SPOCK1: variants seen among roughly 807,000 people sequenced by gnomAD.
The protein encoded by SPOCK1 is SPARC (osteonectin), cwcv and kazal like domains proteoglycan 1.
Under a neutral mutation model 55.3 loss-of-function variants are expected in SPOCK1, and 23 were observed. The observed-to-expected ratio is 0.42, with a 90% CI of 0.30 to 0.59. SPOCK1 has a LOEUF of 0.59. Among genes scored for constraint, SPOCK1 ranks in the 20% least tolerant of loss-of-function variants. SPOCK1 has a pLI of 0.22. For missense variants in SPOCK1, 499 were observed against 552.5 expected (o/e 0.90, Z 0.97); for synonymous variants, 226 against 221.0 (o/e 1.02, Z -0.20).
At chr5:137,057,639 C>A (rs1050061851) in intron 6 of SPOCK1, among the ~76,000 whole-genome samples, 1 of 152,202 alleles carries the variant, frequency 6.6e-6, no homozygotes, top group African/African-American at 2.4e-5. Flanking sequence ...ACTGGGGCCA[C>A]ACCTTTCTTT....
At chr5:137,116,644 C>CT (rs1753587661) in intron 4 of SPOCK1, among the ~76,000 whole-genome samples, 2 of 150,952 alleles carry the variant, frequency 1.3e-5, no homozygotes, top group Admixed American at 1.3e-4. Flanking sequence ...AAAACTCTGT[C>CT]TAAAAAAAAA....
intron 2 of SPOCK1, among the ~76,000 whole-genome samples, chr5:137,454,411 A>T (rs1041650182): frequency 1.3e-5 from 2 of 152,214 alleles, no homozygotes; most frequent in African/African-American, 2.4e-5. Flanking sequence ...AATAACATTC[A>T]CATGAAAGAG....
At chr5:137,027,696 T>C (rs1385390939) in intron 6 of SPOCK1, among the ~76,000 whole-genome samples, 1 of 152,146 alleles carries the variant, frequency 6.6e-6, no homozygotes, top group Non-Finnish European at 1.5e-5. Context: ...TCTCCAGGCA[T>C]GGGGAGGCTT....
At chr5:137,078,082 G>A (rs1383707207) in intron 5 of SPOCK1, among the ~76,000 whole-genome samples, 18 of 152,104 alleles carry the variant, frequency 1.2e-4, no homozygotes, top group Non-Finnish European at 5.9e-5. Context: ...GAAATACAAG[G>A]AGGAGAACAG....
At chr5:137,453,554 T>C (rs1753299628) in intron 2 of SPOCK1, among the ~76,000 whole-genome samples, 1 of 152,138 alleles carries the variant, frequency 6.6e-6, no homozygotes, top group African/African-American at 2.4e-5. Context: ...TTCTATTTCA[T>C]TCAGTATGGC....
At chr5:137,125,166 C>G (rs10072929) in intron 4 of SPOCK1, among the ~76,000 whole-genome samples, 1 of 152,028 alleles carries the variant, frequency 6.6e-6, no homozygotes, top group South Asian at 2.1e-4. Flanking sequence ...TGGCCCTGTA[C>G]CCCCAGCTCC....
intron 3 of SPOCK1, among the ~76,000 whole-genome samples, chr5:137,208,668 G>A (rs1755560533): frequency 6.6e-6 from 1 of 152,150 alleles, no homozygotes; most frequent in African/African-American, 2.4e-5. Flanking sequence ...GGTACTCATG[G>A]ATGCAAAGAT....
chr5:137,356,798 AAT>A (rs1191051173), intron 2 of SPOCK1, among the ~76,000 whole-genome samples: 92 of 13,714 alleles, frequency 6.7e-3, no homozygotes, highest in Admixed American at 0.012. Context: ...CAAAAAAAAT[AAT>A]ATATATATAT....
At chr5:137,382,028 A>C (rs1305059849) in intron 2 of SPOCK1, among the ~76,000 whole-genome samples, 5 of 152,246 alleles carry the variant, frequency 3.3e-5, no homozygotes, top group African/African-American at 1.2e-4. Context: ...ATATACATTT[A>C]GAAACAACCA....
At chr5:137,038,152 C>T (rs1751921777) in intron 6 of SPOCK1, among the ~76,000 whole-genome samples, 1 of 152,166 alleles carries the variant, frequency 6.6e-6, no homozygotes, top group South Asian at 2.1e-4. Flanking sequence ...CCTCTGCTGA[C>T]ATAGAGGGCA....
intron 2 of SPOCK1, among the ~76,000 whole-genome samples, chr5:137,441,303 G>C (rs1377694778): frequency 1.3e-5 from 2 of 152,202 alleles, no homozygotes; most frequent in Non-Finnish European, 1.5e-5. Context: ...CAGGGTATGA[G>C]GCAGAGGGCC....
At chr5:137,132,870 T>C (rs574642302) in intron 4 of SPOCK1, among the ~76,000 whole-genome samples, 4 of 152,250 alleles carry the variant, frequency 2.6e-5, no homozygotes, top group South Asian at 4.2e-4. Context: ...GGGCAGAGGC[T>C]CTGGTTCTTG....
intron 2 of SPOCK1, among the ~76,000 whole-genome samples, chr5:137,417,529 C>T (rs1355895605): frequency 1.3e-5 from 2 of 152,012 alleles, no homozygotes; most frequent in Non-Finnish European, 2.9e-5. Context: ...TTTGAGTCAG[C>T]CTTTCTCTCA....
At chr5:137,303,177 G>A (rs551348902) in intron 2 of SPOCK1, among the ~76,000 whole-genome samples, 2 of 151,968 alleles carry the variant, frequency 1.3e-5, no homozygotes, top group South Asian at 4.2e-4. Context: ...TTTTGAGTGG[G>A]GGTTCCTTTG....
chr5:137,281,842 T>C (rs78389738), intron 2 of SPOCK1, among the ~76,000 whole-genome samples: 4,949 of 152,292 alleles, frequency 0.032, 102 homozygotes, highest in Non-Finnish European at 0.047. Context: ...GATGTCCGTT[T>C]CTCACACCTC....
intron 3 of SPOCK1, among the ~76,000 whole-genome samples, chr5:137,265,541 A>C (rs1025813819): frequency 6.6e-6 from 1 of 152,240 alleles, no homozygotes; most frequent in Non-Finnish European, 1.5e-5. Flanking sequence ...CCTATTAAAA[A>C]GTTTTAAAAT....
At chr5:137,280,153 C>T (rs1466440061) in intron 2 of SPOCK1, among the ~76,000 whole-genome samples, 1 of 152,122 alleles carries the variant, frequency 6.6e-6, no homozygotes, top group African/African-American at 2.4e-5. Flanking sequence ...ACCAGGGTTC[C>T]TAAGTCCCAT....
intron 3 of SPOCK1, among the ~76,000 whole-genome samples, chr5:137,223,416 T>C (rs989258432): frequency 6.6e-6 from 1 of 152,190 alleles, no homozygotes; most frequent in Non-Finnish European, 1.5e-5. Context: ...ATAACTCAGC[T>C]TTTGAAATAT....
intron 7 of SPOCK1, among the ~76,000 whole-genome samples, chr5:136,989,818 C>T (rs1750913571): frequency 6.6e-6 from 1 of 152,008 alleles, no homozygotes. Flanking sequence ...GGTCAGTTGC[C>T]CATCATTAAG....
Sources: allele counts gnomAD v4.1 joint callset (sites outside exome capture counted in the v4.1 genomes callset), GRCh38; gene constraint gnomAD v4.1.1; transcripts MANE v1.5; gene names NCBI Gene and HGNC (gene_info 2026-07-23, HGNC 2026-07-21).